Variants in RRP12 observed in about 807,000 individuals in gnomAD.
The protein encoded by RRP12 is RRP12-like protein.
In RRP12, 78 loss-of-function variants were observed where a neutral mutation model predicts 157.3. That is an observed-to-expected ratio of 0.50 (90% CI 0.41 to 0.60). RRP12 has a LOEUF of 0.60. Among genes scored for constraint, RRP12 ranks in the 20% least tolerant of loss-of-function variants. The pLI is 0.00. For synonymous variants in RRP12, 726 were observed against 670.9 expected (o/e 1.08, Z -1.27); for missense variants, 1,521 against 1,679.9 (o/e 0.91, Z 1.65).
chr10:97,379,578 G>A (rs186017046), intron 14 of RRP12, 50 bp downstream of exon 14: 3 of 1,605,982 alleles, frequency 1.9e-6, no homozygotes, highest in South Asian at 1.1e-5. Flanking sequence ...CTTTCCAGGG[G>A]AGAGAACAAG....
chr10:97,399,150 C>G (rs10786342), intron 2 of RRP12, among the ~76,000 whole-genome samples: 57,261 of 151,738 alleles, frequency 0.38, 11,218 homozygotes, highest in African/African-American at 0.49. Context: ...GCGCACGCCT[C>G]TAATCCCAGC....
Position 97,401,266 on chromosome 10 carries a change from G to C in RRP12, c.-35C>G. On this transcript the variant is annotated 5_prime_UTR_variant, in exon 1 of 34. Coordinates refer to ENST00000370992, the MANE Select transcript of RRP12 (RefSeq NM_015179.4). ...GCCGTGGCGAGGAATGAGCTTAAATGACCGGCTTCCAGGGACGTAGAAACA... is the reference window on the plus strand; with the variant it reads ...GCCGTGGCGAGGAATGAGCTTAAATCACCGGCTTCCAGGGACGTAGAAACA... 1 of 1,612,144 alleles carries C rather than the reference G, an allele frequency of 6.2e-7. No individual in the cohort carries two copies. Among genetic ancestry groups the C allele is most frequent in the Non-Finnish European group, 8.5e-7 (1 of 1,178,596 alleles).
chr10:97,357,111 T>G lies in RRP12; in HGVS notation c.3877A>C (p.Lys1293Gln), dbSNP rs777962818. ...GSQVGHKNRR[K>Q]DRRP ...CCTGGGCCTCAGGGTCGACGATCCTTTCTGCGGTTTTTGTGTCCCACCTGG... is the reference window on the plus strand; with the variant it reads ...CCTGGGCCTCAGGGTCGACGATCCTGTCTGCGGTTTTTGTGTCCCACCTGG... Residue 1293 changes from lysine to glutamine, a missense_variant, in exon 34 of 34, where the codon AAG becomes CAG. Transcript: ENST00000370992. 28 of 1,612,198 alleles carry G rather than the reference T, an allele frequency of 1.7e-5. No individual in the cohort carries two copies. The highest frequency in any genetic ancestry group is 2.3e-5 in the Non-Finnish European group (27 of 1,178,522).
At chr10:97,365,967 A>T in intron 29 of RRP12, 141 bp downstream of exon 29, 1 of 1,047,620 alleles carries the variant, frequency 9.5e-7, no homozygotes. Flanking sequence ...TCTCAAAAAA[A>T]GTTTGAGAAA....
At chr10:97,395,879 A>G (rs1351022859) in intron 3 of RRP12, among the ~76,000 whole-genome samples, 1 of 150,660 alleles carries the variant, frequency 6.6e-6, no homozygotes, top group Non-Finnish European at 1.5e-5. Flanking sequence ...AGTAATAAGT[A>G]GCCAGTTGCA....
intron 8 of RRP12, among the ~76,000 whole-genome samples, chr10:97,387,669 A>C (rs1196722558): frequency 6.6e-6 from 1 of 151,538 alleles, no homozygotes; most frequent in Non-Finnish European, 1.5e-5. Flanking sequence ...GACCGGGCGC[A>C]GTGGCTCACG....
chr10:97,361,805 G>T (rs1843848160), intron 30 of RRP12, among the ~76,000 whole-genome samples: 1 of 152,208 alleles, frequency 6.6e-6, no homozygotes, highest in Non-Finnish European at 1.5e-5. Flanking sequence ...TTCCACAATG[G>T]TTGGCCGAGG....
chr10:97,393,791 A>T, intron 3 of RRP12, 31 bp from the exon 4 acceptor site: 1 of 1,579,480 alleles, frequency 6.3e-7, no homozygotes, highest in Non-Finnish European at 8.7e-7. Context: ...GTTTGAATGG[A>T]TAAAAACTTA....
At chr10:97,365,766 T>TA (rs541108198) in intron 29 of RRP12, 57,555 of 171,392 alleles carry the variant, frequency 0.34, 8,758 homozygotes, top group African/African-American at 0.43. Flanking sequence ...AAGTTTGCAT[T>TA]AAAAAAAAAA....
intron 9 of RRP12, 56 bp from the exon 10 acceptor site, chr10:97,385,313 A>G: frequency 1.5e-6 from 2 of 1,313,186 alleles, no homozygotes; most frequent in South Asian, 1.2e-5. Context: ...TAGCCCAGTG[A>G]TGATGACCCC....
chr10:97,391,961 G>A (rs916695044), intron 4 of RRP12, among the ~76,000 whole-genome samples: 2 of 151,478 alleles, frequency 1.3e-5, no homozygotes, highest in South Asian at 2.1e-4. Context: ...GATATTTTTC[G>A]GTATATCATT....
rs185221000 is a variant in RRP12 at position 97,388,434 on chromosome 10, C to T, written c.889+55G>A. ...AGCCCCGCCCTACCGCAGGCCCTGTCCTGCTCTGCCAGCCACTGCCTCCCA... is the reference window on the plus strand; with the variant it reads ...AGCCCCGCCCTACCGCAGGCCCTGTTCTGCTCTGCCAGCCACTGCCTCCCA... On this transcript the variant is annotated intron_variant, in intron 7 of 33. Transcript: ENST00000370992. 538 of 1,612,978 alleles carry T rather than the reference C, an allele frequency of 3.3e-4. 2 individuals are homozygous for T. In the African/African-American group the frequency reaches 6.5e-3, roughly 19 times the overall value.
chr10:97,395,472 A>T, intron 3 of RRP12, among the ~76,000 whole-genome samples: 1 of 151,894 alleles, frequency 6.6e-6, no homozygotes, highest in South Asian at 2.1e-4. Context: ...GAATTGCTTG[A>T]TACCATGAGA....
intron 13 of RRP12, 108 bp downstream of exon 13, chr10:97,380,691 G>T: frequency 1.3e-6 from 1 of 763,716 alleles, no homozygotes; most frequent in Non-Finnish European, 2.3e-6. Flanking sequence ...CTGTCAGGGT[G>T]GGGTGCGGAG....
At chr10:97,400,180 G>T in intron 2 of RRP12, 125 bp downstream of exon 2, 1 of 732,062 alleles carries the variant, frequency 1.4e-6, no homozygotes. Flanking sequence ...TAAAGGGGAG[G>T]AGCGATGACG....
In RRP12 at chr10:97,388,517, G is replaced by C; in HGVS notation, c.861C>G (p.Phe287Leu). Residue 287 changes from phenylalanine (F) to leucine (L), a missense_variant, in exon 7 of 34, where the codon TTC becomes TTG. Coordinates refer to ENST00000370992, the MANE Select transcript of RRP12 (RefSeq NM_015179.4). ...CAGACTTCTCAATCTCCTGGATGCA[G>C]AACTTGGCAGTGGAAATGGCAGCAG... ...HHPAAISTAKFCIQEIEKSGG... is the reference protein window; with the variant it reads ...HHPAAISTAKLCIQEIEKSGG... 1 of 1,614,212 alleles carries C rather than the reference G, an allele frequency of 6.2e-7. No homozygotes were observed. The highest frequency in any genetic ancestry group is 8.5e-7 in the Non-Finnish European group (1 of 1,180,032).
intron 6 of RRP12, among the ~76,000 whole-genome samples, chr10:97,390,072 A>G (rs1336697780): frequency 6.6e-6 from 1 of 152,162 alleles, no homozygotes; most frequent in Non-Finnish European, 1.5e-5. Context: ...AACTTGCCCA[A>G]GGTCACACCT....
Position 97,356,992 on chromosome 10 carries a change from A to C in RRP12, c.*102T>G. On this transcript the variant is annotated 3_prime_UTR_variant, in exon 34 of 34. Transcript: ENST00000370992. ...CCTAGTTCCAAGTCATCCTGAGTCC[A>C]GGCTCTGCCAGAATCTTGAGCACCT... 4.4e-6 allele frequency: 3 copies of C among 679,786 alleles called. No homozygotes were observed. The highest frequency in any genetic ancestry group is 7.7e-6 in the Non-Finnish European group (3 of 388,072). 42.1% of individuals were successfully genotyped at this position (679,786 alleles called of 1,614,324 possible). A position where few individuals can be genotyped will look rare whatever the true frequency, so the allele number is the denominator to read the frequency against.
intron 2 of RRP12, among the ~76,000 whole-genome samples, chr10:97,397,449 A>C (rs1844998811): frequency 6.6e-6 from 1 of 152,164 alleles, no homozygotes; most frequent in East Asian, 1.9e-4. Flanking sequence ...GGCGTGAGCC[A>C]CCTCGCCTGG....
Sources: allele counts gnomAD v4.1 joint callset (sites outside exome capture counted in the v4.1 genomes callset), GRCh38; gene constraint gnomAD v4.1.1; transcripts MANE v1.5; gene names NCBI Gene and HGNC (gene_info 2026-07-23, HGNC 2026-07-21).